A1BG: variants seen among roughly 807,000 people sequenced by gnomAD.
The protein encoded by A1BG is alpha-1B-glycoprotein.
A1BG carries 44 observed loss-of-function variants against 46.0 expected under a neutral mutation model. The observed-to-expected ratio is 0.96, with a 90% CI of 0.75 to 1.23. A1BG has a LOEUF of 1.23. Among genes scored for constraint, A1BG ranks in the 50% most tolerant of loss-of-function variants. A1BG has a pLI of 0.00. For missense variants in A1BG, 707 were observed against 688.8 expected, an observed-to-expected ratio of 1.03 and a Z score of -0.30; for synonymous variants, 316 against 314.7, an observed-to-expected ratio of 1.00 and a Z score of -0.04.
chr19:58,347,454 A>T lies in A1BG; in HGVS notation c.1379T>A (p.Val460Glu). The T allele has an allele frequency of 6.2e-7, 1 of 1,606,032 alleles. No homozygotes were observed. Among genetic ancestry groups the T allele is most frequent in the Non-Finnish European group, 8.5e-7 (1 of 1,175,906 alleles). Residue 460 changes from valine (V) to glutamate (E), a missense_variant, in exon 7 of 8, where the codon GTG (valine) becomes GAG (glutamate). Val to Glu is a moderately radical substitution (Grantham distance 121). Coordinates refer to ENST00000263100, the MANE Select transcript of A1BG (RefSeq NM_130786.4). ...GAAANLELIF[V>E]GPQHAGNYRC... ...GTAGTTGCCGGCGTGCTGGGGCCCC[A>T]CGAAGATCAGCTCGAGGTTCGCCGC...
Position 58,352,535 on chromosome 19 carries a change from G to T in A1BG, c.361C>A (p.Leu121Ile). The T allele has an allele frequency of 6.2e-7, 1 of 1,610,122 alleles. No homozygotes were observed. Among genetic ancestry groups the T allele is most frequent in the Non-Finnish European group, 8.5e-7 (1 of 1,179,982 alleles). ...TGPKSLPAPW[L>I]SMAPVSWITP... ...ATCCAGGACACTGGCGCCATCGAGA[G>T]CCAGGGAGCAGGCAAGGACTCTGTG... is the stretch of plus-strand genomic sequence containing the variant. Residue 121 changes from leucine (L) to isoleucine (I), a missense_variant, in exon 4 of 8, where the codon CTC becomes ATC. By Grantham distance (5) the Leu-to-Ile change is conservative (BLOSUM62 2). Transcript: ENST00000263100.
chr19:58,347,377 C>G lies in A1BG; in HGVS notation c.1456G>C (p.Asp486His). The G allele has an allele frequency of 6.2e-7, 1 of 1,612,044 alleles. No individual in the cohort carries two copies. Residue 486 changes from aspartate to histidine, a missense_variant, in exon 7 of 8, where the codon GAC becomes CAC. By Grantham distance (81) the Asp-to-His change is moderately conservative. Transcript: ENST00000263100. ...VPHTFESELSDPVELLVAES is the reference protein window; with the variant it reads ...VPHTFESELSHPVELLVAES ...CCTGCCACCAGGAGCTCCACAGGGT[C>G]GCTGAGCTCCGATTCGAAGGTGTGG...
At chr19:58,352,716 A>C in intron 3 of A1BG, 161 bp from the exon 4 acceptor site, 1 of 1,168,110 alleles carries the variant, frequency 8.6e-7, no homozygotes, top group Non-Finnish European at 1.2e-6. Flanking sequence ...GGCATACGGC[A>C]AGAGAAAAAG....
At position 58,352,306 on chromosome 19, in the gene A1BG, G is replaced by C. The variant is rs760213526; in HGVS notation, c.590C>G (p.Ala197Gly). The change falls in exon 4 of 8, where the codon GCT becomes GGT. Residue 197 changes from alanine to glycine, a missense_variant. Transcript: ENST00000263100. ...ACCGAGCTCCTCAATGGTCACAGTA[G>C]CGCTGGGCTCAGAGAGGGCGCCTTC... ...DGEGALSEPS[A>G]TVTIEELAAP... is the part of the protein sequence containing the mutation. The C allele has an allele frequency of 6.2e-6, 10 of 1,613,896 alleles. No homozygotes were observed. The highest frequency in any genetic ancestry group is 8.5e-6 in the Non-Finnish European group (10 of 1,180,018).
intron 2 of A1BG, 34 bp downstream of exon 2, chr19:58,353,258 G>A: frequency 6.2e-7 from 1 of 1,613,922 alleles, no homozygotes; most frequent in South Asian, 1.1e-5. Context: ...CCCGGCCTGG[G>A]CCCACCATTC....
Position 58,347,493 on chromosome 19 carries a change from C to A in A1BG, c.1340G>T (p.Arg447Leu). The A allele has an allele frequency of 6.3e-7, 1 of 1,594,206 alleles. No individual in the cohort carries two copies. Among genetic ancestry groups the A allele is most frequent in the African/African-American group, 1.3e-5 (1 of 74,194 alleles). The part of the protein sequence containing the change: ...EGETKAVKTV[R>L]TPGAAANLEL... ...GAGGTTCGCCGCGGCCCCGGGGGTG[C>A]GGACCGTCTTCACGGCCTTCGTCTC... Residue 447 changes from arginine to leucine, a missense_variant, in exon 7 of 8, where the codon CGC becomes CTC. Transcript: ENST00000263100.
rs1255801696 is a variant in A1BG, at chr19:58,351,792, A to AT, written c.614-106dup. ...GTGGCAATCCCAGGAACACCCTTCCATTCTTTTTTTTTTTTTTTTTTGAAA... is the reference window on the plus strand; with the variant it reads ...GTGGCAATCCCAGGAACACCCTTCCATTTCTTTTTTTTTTTTTTTTTTGAAA... On this transcript the variant is annotated intron_variant, in intron 4 of 7. Coordinates refer to ENST00000263100, the MANE Select transcript of A1BG (RefSeq NM_130786.4). 9,005 of 966,628 alleles carry AT rather than the reference A, an allele frequency of 9.3e-3. 516 individuals carry two copies. In the African/African-American group the frequency reaches 0.15, roughly 16 times the overall value. 59.9% of individuals were successfully genotyped at this position (966,628 alleles called of 1,614,324 possible). A position where few individuals can be genotyped will look rare whatever the true frequency, so the allele number is the denominator to read the frequency against.
intron 6 of A1BG, 71 bp downstream of exon 6, chr19:58,350,297 AAG>A (rs2051945493): frequency 2.1e-6 from 3 of 1,453,946 alleles, no homozygotes; most frequent in Non-Finnish European, 2.7e-6. Flanking sequence ...CGCCCAAGGA[AAG>A]AGGGGAAAGA....
In A1BG at chr19:58,346,677, A is replaced by T; in HGVS notation, c.*345T>A. On this transcript the variant is annotated 3_prime_UTR_variant, in exon 8 of 8. Transcript: ENST00000263100. Reference sequence around the variant, plus strand: ...CAAAACTGCAGTGAGCCGGACTGCAACACTGCACTCCAGCCTGGGTGACAG... The same window carrying T: ...CAAAACTGCAGTGAGCCGGACTGCATCACTGCACTCCAGCCTGGGTGACAG... The T allele has an allele frequency of 2.7e-6, 1 of 369,172 alleles. No homozygotes were observed. Among genetic ancestry groups the T allele is most frequent in the African/African-American group, 2.1e-5 (1 of 46,756 alleles). 22.9% of individuals were successfully genotyped at this position (369,172 alleles called of 1,614,324 possible).
chr19:58,352,654 CAG>C, intron 3 of A1BG, 99 bp from the exon 4 acceptor site: 1 of 1,450,224 alleles, frequency 6.9e-7, no homozygotes, highest in African/African-American at 1.4e-5. Context: ...GTGAAGGAGA[CAG>C]GGATGGAGGG....
Position 58,352,987 on chromosome 19 carries a change from C to T in A1BG, c.281G>A (p.Arg94His), listed in dbSNP as rs533605370. Residue 94 changes from arginine (R) to histidine (H), a missense_variant, in exon 3 of 8, where the codon CGC (arginine) becomes CAC (histidine). Coordinates refer to ENST00000263100, the MANE Select transcript of A1BG (RefSeq NM_130786.4). ...TGDTQGRYRC[R>H]SGLSTGWTQL... ...GGTCCATCCTGTGGACAAGCCCGAG[C>T]GGCAGCGGTAGCGGCCCTGGGTGTC... 74 of 1,613,954 alleles carry T rather than the reference C, an allele frequency of 4.6e-5. No homozygotes were observed. The highest frequency in any genetic ancestry group is 5.7e-5 in the Non-Finnish European group (67 of 1,180,016).
At chr19:58,347,245 A>C in intron 7 of A1BG, 108 bp downstream of exon 7, 1 of 1,356,808 alleles carries the variant, frequency 7.4e-7, no homozygotes, top group South Asian at 1.2e-5. Flanking sequence ...CCCAGCGCTA[A>C]CCAGGGGTGC....
At position 58,352,478 on chromosome 19, in the gene A1BG, G is replaced by A. The variant is rs531751714; in HGVS notation, c.418C>T (p.Arg140Ter). The stretch of plus-strand genomic sequence containing the variant: ...AAAGTCACACCCCGCAGCACACCTC[G>A]GCACACTGCTGTTGTTTTCAGGCCG... ...TPGLKTTAVC[R>*]GVLRGVTFLL... is the part of the protein sequence containing the mutation. The change falls in exon 4 of 8, where the codon CGA becomes TGA. Residue 140 changes from arginine (R) to a stop codon, truncating the protein, a stop_gained. Transcript: ENST00000263100. LOFTEE classifies it high-confidence loss of function. The A allele has an allele frequency of 6.2e-6, 10 of 1,613,498 alleles. No individual in the cohort carries two copies. In the Admixed American group the frequency reaches 6.7e-5, roughly 11 times the overall value.
intron 4 of A1BG, 108 bp from the exon 5 acceptor site, chr19:58,351,795 CTT>C (rs11452992): frequency 4.5e-3 from 3,344 of 750,276 alleles, no homozygotes; most frequent in Middle Eastern, 5.2e-3. Flanking sequence ...CCCTTCCATT[CTT>C]TTTTTTTTTT....
chr19:58,353,237 C>T (rs1481051135), intron 2 of A1BG, 40 bp from the exon 3 acceptor site: 6 of 1,613,530 alleles, frequency 3.7e-6, no homozygotes, highest in Non-Finnish European at 5.1e-6. Flanking sequence ...GCCACAGAGA[C>T]AGGGCTCCCC....
chr19:58,347,477 C>T lies in A1BG; in HGVS notation c.1356G>A (p.Ala452=), dbSNP rs150726160. 63 of 1,600,186 alleles carry T rather than the reference C, an allele frequency of 3.9e-5. No individual in the cohort carries two copies. The highest frequency in any genetic ancestry group is 4.9e-5 in the Non-Finnish European group (58 of 1,172,280). The change falls in exon 7 of 8, where the codon GCG becomes GCA. Residue 452 remains alanine (A), a synonymous_variant. Transcript: ENST00000263100. ...CCACGAAGATCAGCTCGAGGTTCGCCGCGGCCCCGGGGGTGCGGACCGTCT... is the reference window on the plus strand; with the variant it reads ...CCACGAAGATCAGCTCGAGGTTCGCTGCGGCCCCGGGGGTGCGGACCGTCT... ...AVKTVRTPGA[A]ANLELIFVGP...
rs1165927833 is a variant in A1BG, at chr19:58,347,459, G to GATC, written c.1371_1373dup (p.Leu457_Ile458insMet). 2 of 1,604,966 alleles carry GATC rather than the reference G, an allele frequency of 1.2e-6. No homozygotes were observed. The highest frequency in any genetic ancestry group is 2.2e-5 in the South Asian group (2 of 90,858). ...TGCCGGCGTGCTGGGGCCCCACGAA[G>GATC]ATCAGCTCGAGGTTCGCCGCGGCCC... On this transcript the variant is annotated inframe_insertion, in exon 7 of 8. Coordinates refer to ENST00000263100, the MANE Select transcript of A1BG (RefSeq NM_130786.4).
rs562058843 is a variant in A1BG at position 58,352,921 on chromosome 19, G to A, written c.340+7C>T. ...CCTCCTGGCCCCCAATTCATGCCCC[G>A]GCTCACTTGGCCCTGTCAGCTCCAG... On this transcript the variant is annotated splice_region_variant and intron_variant, in intron 3 of 7. Coordinates refer to ENST00000263100, the MANE Select transcript of A1BG (RefSeq NM_130786.4). 41 of 1,607,786 alleles carry A rather than the reference G, an allele frequency of 2.6e-5. No homozygotes were observed. Among genetic ancestry groups the A allele is most frequent in the African/African-American group, 5.3e-5 (4 of 74,944 alleles).
chr19:58,350,580 G>A lies in A1BG; in HGVS notation c.982C>T (p.Pro328Ser). The A allele has an allele frequency of 2.0e-6, 3 of 1,518,572 alleles. No homozygotes were observed. Among genetic ancestry groups the A allele is most frequent in the Middle Eastern group, 2.0e-4 (1 of 5,088 alleles). The allele number at this position is 1,518,572 out of a possible 1,614,324, so 94.1% of individuals were successfully genotyped here. A position where few individuals can be genotyped will look rare whatever the true frequency, so the allele number is the denominator to read the frequency against. ...GRALRLRCLAPLEGARFALVR... is the reference protein window; with the variant it reads ...GRALRLRCLASLEGARFALVR... ...AGGGCGAAGCGCGCGCCCTCCAGGG[G>A]CGCCAGGCACCGCAGCCGCAAGGCC... Residue 328 changes from proline to serine, a missense_variant, in exon 6 of 8, where the codon CCC becomes TCC. Coordinates refer to ENST00000263100, the MANE Select transcript of A1BG (RefSeq NM_130786.4).
Sources: gnomAD v4.1 joint callset for allele counts on GRCh38, gnomAD v4.1.1 for gene constraint, MANE v1.5 for transcripts, NCBI Gene and HGNC (gene_info 2026-07-23, HGNC 2026-07-21) for gene names.